Variants in CLOCK observed in about 807,000 individuals in gnomAD.
CLOCK encodes clock circadian regulator.
A neutral mutation model predicts 118.4 loss-of-function variants in CLOCK; 43 were observed. The ratio of observed to expected loss-of-function variants is 0.36; its 90% CI spans 0.28 to 0.47. CLOCK has a LOEUF of 0.47. Ranked by LOEUF, CLOCK falls within the 20% of genes least tolerant of loss-of-function variation. The pLI, the probability that CLOCK is intolerant of heterozygous loss-of-function variation, is 1.00. For synonymous variants in CLOCK, 326 were observed against 339.2 expected (o/e 0.96, Z 0.43); for missense variants, 846 against 999.9 (o/e 0.85, Z 2.08).
At chr4:55,497,869 T>C (rs570877222) in intron 2 of CLOCK, among the ~76,000 whole-genome samples, 25 of 152,066 alleles carry the variant, frequency 1.6e-4, no homozygotes, top group East Asian at 3.9e-4. Context: ...ACTAAACAGA[T>C]TGTCCAAAAA....
chr4:55,515,201 A>G (rs973564416), intron 1 of CLOCK, among the ~76,000 whole-genome samples: 1 of 152,178 alleles, frequency 6.6e-6, no homozygotes, highest in African/African-American at 2.4e-5. Context: ...TATATTTTTA[A>G]TATAAATGGA....
chr4:55,510,077 C>A lies in CLOCK; in HGVS notation c.-289-12G>T, dbSNP rs1729041766. 1 of 152,182 alleles carries A rather than the reference C, an allele frequency of 6.6e-6. No individual in the cohort carries two copies. The highest frequency in any genetic ancestry group is 1.5e-5 in the Non-Finnish European group (1 of 68,040). 9.4% of individuals were successfully genotyped at this position (152,182 alleles called of 1,614,324 possible). A position where few individuals can be genotyped will look rare whatever the true frequency, so the allele number is the denominator to read the frequency against. On this transcript the variant is annotated splice_polypyrimidine_tract_variant and intron_variant, in intron 1 of 22. Transcript: ENST00000513440. The stretch of plus-strand genomic sequence containing the variant: ...AACAAGTAAAAATTCTGCAAAGAAA[C>A]AGTACTTACTGAAATAATGCTAACC...
intron 13 of CLOCK, among the ~76,000 whole-genome samples, 153 bp downstream of exon 13, chr4:55,455,744 A>C (rs1403230564): frequency 6.6e-6 from 1 of 152,222 alleles, no homozygotes; most frequent in Non-Finnish European, 1.5e-5. Flanking sequence ...TATGATTCCT[A>C]CTACATTGGT....
intron 20 of CLOCK, among the ~76,000 whole-genome samples, chr4:55,443,155 A>G (rs574033609): frequency 6.6e-6 from 1 of 152,304 alleles, no homozygotes; most frequent in South Asian, 2.1e-4. Flanking sequence ...TAACTACTAG[A>G]CTACATCTTT....
chr4:55,448,596 G>A (rs944436457), intron 18 of CLOCK, among the ~76,000 whole-genome samples, 183 bp downstream of exon 18: 5 of 108,746 alleles, frequency 4.6e-5, no homozygotes, highest in Non-Finnish European at 5.2e-5. Flanking sequence ...GCGCGCGCAC[G>A]CGCGCGTGTG....
chr4:55,545,009 C>T (rs1424018179), intron 1 of CLOCK, among the ~76,000 whole-genome samples: 1 of 151,422 alleles, frequency 6.6e-6, no homozygotes, highest in Non-Finnish European at 1.5e-5. Flanking sequence ...TAACTGATTA[C>T]GCCTAGCTTT....
Position 55,453,101 on chromosome 4 carries a change from G to A in CLOCK, c.1159C>T (p.Arg387Ter). 1 of 1,612,616 alleles carries A rather than the reference G, an allele frequency of 6.2e-7. No individual in the cohort carries two copies. ...AGAGACTCTTCAATGCCAAGTTCTCGTCGTCTTTCAGCCCTAACTTCTGCA... is the reference window on the plus strand; with the variant it reads ...AGAGACTCTTCAATGCCAAGTTCTCATCGTCTTTCAGCCCTAACTTCTGCA... ...SYAEVRAERR[R>*]ELGIEESLPE... Residue 387 changes from arginine to a stop codon, truncating the protein, a stop_gained, in exon 15 of 23, where the codon CGA becomes TGA. Transcript: ENST00000513440. LOFTEE classifies it high-confidence loss of function.
rs554114568 is a variant in CLOCK, at chr4:55,531,578, G to A, written c.-290+15204C>T. 5.3e-5 allele frequency among the ~76,000 whole-genome samples: 8 copies of A among 151,684 alleles called. No individual in the cohort carries two copies. In the East Asian group the frequency reaches 7.8e-4, roughly 15 times the overall value. The stretch of plus-strand genomic sequence containing the variant: ...CAATTAGCTGGGCGTGGTGGTATGC[G>A]CCTATAGTCCCAGCTACTCTGGAAG... On this transcript the variant is annotated intron_variant, in intron 1 of 22. Coordinates refer to ENST00000513440, the MANE Select transcript of CLOCK (RefSeq NM_004898.4).
intron 7 of CLOCK, among the ~76,000 whole-genome samples, chr4:55,472,749 T>C (rs1332016275): frequency 6.6e-6 from 1 of 150,464 alleles, no homozygotes; most frequent in African/African-American, 2.4e-5. Context: ...CCCCTTCTTT[T>C]GGGAAAGAGA....
intron 2 of CLOCK, among the ~76,000 whole-genome samples, chr4:55,507,698 ACCCAG>A (rs888347377): frequency 6.6e-6 from 1 of 152,318 alleles, no homozygotes; most frequent in African/African-American, 2.4e-5. Flanking sequence ...TAACAAAAAC[ACCCAG>A]TCTCAATAAG....
In CLOCK at chr4:55,448,765, A is replaced by C; in HGVS notation, c.1539+14T>G. 1 of 1,610,382 alleles carries C rather than the reference A, an allele frequency of 6.2e-7. No individual in the cohort carries two copies. Among genetic ancestry groups the C allele is most frequent in the Non-Finnish European group, 8.5e-7 (1 of 1,177,122 alleles). ...ATATTCAAATACGCAACTGAAACAA[A>C]AACCAAAAAGTACCTGGGACATGCC... On this transcript the variant is annotated intron_variant, in intron 18 of 22. Transcript: ENST00000513440.
chr4:55,435,912 C>T (rs1474271), intron 22 of CLOCK, among the ~76,000 whole-genome samples: 51,365 of 152,028 alleles, frequency 0.34, 9,372 homozygotes, highest in East Asian at 0.58. Flanking sequence ...TTTTAAATTA[C>T]AAAATTTGAG....
At chr4:55,515,720 C>T (rs1157101046) in intron 1 of CLOCK, among the ~76,000 whole-genome samples, 1 of 152,100 alleles carries the variant, frequency 6.6e-6, no homozygotes, top group Non-Finnish European at 1.5e-5. Context: ...CTTCTGCTTA[C>T]TTTGTATTTA....
intron 3 of CLOCK, among the ~76,000 whole-genome samples, chr4:55,488,972 A>G (rs945568537): frequency 1.3e-5 from 2 of 152,016 alleles, no homozygotes; most frequent in African/African-American, 4.8e-5. Context: ...GGCTTACACA[A>G]TCCTCCCACC....
chr4:55,438,144 C>G, intron 22 of CLOCK, 138 bp downstream of exon 22: 4 of 1,167,486 alleles, frequency 3.4e-6, no homozygotes, highest in Non-Finnish European at 4.8e-6. Context: ...AACAAGCTTT[C>G]TATCTTTGTA....
chr4:55,535,781 T>A (rs1560485102), intron 1 of CLOCK, among the ~76,000 whole-genome samples: 2 of 149,244 alleles, frequency 1.3e-5, no homozygotes, highest in Non-Finnish European at 3.0e-5. Context: ...TGTTGCTCTG[T>A]CACCCAGGCT....
At chr4:55,461,222 T>A (rs1022185362) in intron 9 of CLOCK, among the ~76,000 whole-genome samples, 6 of 152,176 alleles carry the variant, frequency 3.9e-5, no homozygotes, top group African/African-American at 1.4e-4. Context: ...ACAACTGTGC[T>A]CAGCCCATCC....
intron 1 of CLOCK, among the ~76,000 whole-genome samples, chr4:55,518,522 C>T (rs755651689): frequency 1.3e-5 from 2 of 152,158 alleles, no homozygotes; most frequent in Non-Finnish European, 2.9e-5. Context: ...AATGTTTGTG[C>T]CCCTCCAAAA....
intron 2 of CLOCK, among the ~76,000 whole-genome samples, chr4:55,492,860 A>C (rs1454071750): frequency 6.6e-6 from 1 of 152,298 alleles, no homozygotes; most frequent in Non-Finnish European, 1.5e-5. Flanking sequence ...AAAATAAAAT[A>C]AAATAAAAAC....
Sources: gnomAD v4.1 joint callset for allele counts (sites outside exome capture counted in the v4.1 genomes callset) on GRCh38, gnomAD v4.1.1 for gene constraint, MANE v1.5 for transcripts, NCBI Gene and HGNC (gene_info 2026-07-23, HGNC 2026-07-21) for gene names.